Variants in HCN1 observed in about 807,000 individuals in gnomAD.
The protein encoded by HCN1 is potassium/sodium hyperpolarization-activated cyclic nucleotide-gated channel 1.
A neutral mutation model predicts 78.9 loss-of-function variants in HCN1; 13 were observed. The observed-to-expected ratio is 0.16, with a 90% confidence interval of 0.11 to 0.26. HCN1 has a LOEUF of 0.26. HCN1 is among the 10% of genes least tolerant of loss of function. The probability of loss-of-function intolerance (pLI) is 1.00; values close to 1 mark genes in which losing one functional copy is unlikely to be tolerated. For synonymous variants in HCN1, 552 were observed against 455.5 expected, an observed-to-expected ratio of 1.21 and a Z score of -2.70; for missense variants, 810 against 1,154.3, an observed-to-expected ratio of 0.70 and a Z score of 4.32.
At position 45,303,618 on chromosome 5, in the gene HCN1, T is replaced by G. The variant is rs762489247; in HGVS notation, c.1599A>C (p.Thr533=). ...ACTAACCTCCAAAGTAAGAGCCATC[T>G]GTCAGCTTCATTTCTTTACTGGATT... The part of the protein sequence containing the change: ...ITKSSKEMKL[T]DGSYFGEICL... Residue 533 remains threonine, a synonymous_variant, in exon 6 of 8, where the codon ACA becomes ACC. Coordinates refer to ENST00000303230, the MANE Select transcript of HCN1 (RefSeq NM_021072.4). 12 of 1,613,440 alleles carry G rather than the reference T, an allele frequency of 7.4e-6. No individual in the cohort carries two copies. The South Asian group carries it at 1.3e-4, about 18-fold the overall frequency.
chr5:45,406,950 C>CAA (rs1739938274), intron 3 of HCN1, among the ~76,000 whole-genome samples: 1 of 152,114 alleles, frequency 6.6e-6, no homozygotes, highest in Non-Finnish European at 1.5e-5. Flanking sequence ...CACCTAACCC[C>CAA]AAAGCCTGGG....
chr5:45,361,706 T>C (rs1287492041), intron 4 of HCN1, among the ~76,000 whole-genome samples: 1 of 152,228 alleles, frequency 6.6e-6, no homozygotes, highest in Non-Finnish European at 1.5e-5. Context: ...AACTATACTT[T>C]CATCTATGTA....
At chr5:45,606,500 A>C (rs545726789) in intron 2 of HCN1, among the ~76,000 whole-genome samples, 1 of 151,874 alleles carries the variant, frequency 6.6e-6, no homozygotes, top group Non-Finnish European at 1.5e-5. Flanking sequence ...CTTAGTGAAA[A>C]AGCTGGAGTT....
At chr5:45,296,551 A>G (rs1745498325) in intron 6 of HCN1, among the ~76,000 whole-genome samples, 1 of 151,960 alleles carries the variant, frequency 6.6e-6, no homozygotes, top group Non-Finnish European at 1.5e-5. Flanking sequence ...CTAAGCTTCC[A>G]TCTTAGCAAA....
At chr5:45,378,088 C>T (rs1032713517) in intron 4 of HCN1, among the ~76,000 whole-genome samples, 3 of 151,722 alleles carry the variant, frequency 2.0e-5, no homozygotes, top group African/African-American at 7.3e-5. Flanking sequence ...CTGGAGGGCA[C>T]CACAGAGATA....
chr5:45,634,545 A>G (rs1158484430), intron 2 of HCN1, among the ~76,000 whole-genome samples: 1 of 151,962 alleles, frequency 6.6e-6, no homozygotes, highest in Non-Finnish European at 1.5e-5. Flanking sequence ...ATATTATTCT[A>G]AAGTCAGTGT....
At chr5:45,516,953 A>G (rs1433084428) in intron 2 of HCN1, among the ~76,000 whole-genome samples, 2 of 151,980 alleles carry the variant, frequency 1.3e-5, no homozygotes, top group Admixed American at 1.3e-4. Context: ...GTTTCTCAGG[A>G]TAATATTCAG....
intron 3 of HCN1, among the ~76,000 whole-genome samples, chr5:45,418,215 G>C (rs897870638): frequency 3.3e-5 from 5 of 151,794 alleles, no homozygotes; most frequent in Non-Finnish European, 2.9e-5. Context: ...AAAAGAAAAA[G>C]TGTTTATAAT....
intron 1 of HCN1, among the ~76,000 whole-genome samples, chr5:45,684,596 C>T (rs1739766986): frequency 6.6e-6 from 1 of 152,176 alleles, no homozygotes; most frequent in Non-Finnish European, 1.5e-5. Flanking sequence ...CACGGTGGCT[C>T]ACGCCTGTAA....
intron 3 of HCN1, among the ~76,000 whole-genome samples, chr5:45,402,589 T>A (rs1739837966): frequency 6.6e-6 from 1 of 152,098 alleles, no homozygotes; most frequent in African/African-American, 2.4e-5. Flanking sequence ...TCAGTATAAA[T>A]GTTATTACAA....
intron 1 of HCN1, among the ~76,000 whole-genome samples, chr5:45,663,401 G>A (rs1490978041): frequency 1.5e-4 from 19 of 130,202 alleles, no homozygotes; most frequent in African/African-American, 5.3e-4. Flanking sequence ...GCGTGGGCAA[G>A]GACTTCATGT....
At chr5:45,463,839 T>A (rs1398414882) in intron 2 of HCN1, among the ~76,000 whole-genome samples, 1 of 152,110 alleles carries the variant, frequency 6.6e-6, no homozygotes, top group African/African-American at 2.4e-5. Flanking sequence ...GTCTTGTGGA[T>A]AAAGACTGCG....
rs565166981 is a variant in HCN1, at chr5:45,351,204, C to A, written c.1377+1896G>T. On this transcript the variant is annotated intron_variant, in intron 5 of 7. Transcript: ENST00000303230. ...TATAGATCAATGGAACAGAACAGAG[C>A]CTTCAGAAATAATGCCGCATATCTA... Among the ~76,000 whole-genome samples the A allele has an allele frequency of 1.7e-4, 26 of 151,918 alleles. 1 individual carries two copies. The highest frequency in any genetic ancestry group is 6.0e-4 in the African/African-American group (25 of 41,342).
At chr5:45,423,177 T>C (rs1200639189) in intron 3 of HCN1, among the ~76,000 whole-genome samples, 2 of 152,200 alleles carry the variant, frequency 1.3e-5, no homozygotes, top group African/African-American at 4.8e-5. Context: ...GCACCTACTA[T>C]GTACCCATAA....
At chr5:45,547,340 T>G (rs1338502790) in intron 2 of HCN1, among the ~76,000 whole-genome samples, 1 of 151,934 alleles carries the variant, frequency 6.6e-6, no homozygotes, top group African/African-American at 2.4e-5. Flanking sequence ...TGAAGGTGAA[T>G]TTCTGATTTT....
intron 2 of HCN1, among the ~76,000 whole-genome samples, chr5:45,494,438 G>C (rs931082996): frequency 2.0e-5 from 3 of 151,926 alleles, no homozygotes; most frequent in East Asian, 1.9e-4. Flanking sequence ...CCCACTTTTT[G>C]ATGGGGTTGT....
At chr5:45,444,586 T>A (rs900238501) in intron 3 of HCN1, among the ~76,000 whole-genome samples, 3 of 152,130 alleles carry the variant, frequency 2.0e-5, no homozygotes, top group African/African-American at 7.2e-5. Context: ...ATCCTTGTTT[T>A]TTTCTGAATC....
intron 2 of HCN1, among the ~76,000 whole-genome samples, chr5:45,516,363 A>C (rs1266395925): frequency 6.6e-6 from 1 of 151,996 alleles, no homozygotes; most frequent in Admixed American, 6.6e-5. Flanking sequence ...CCCCAGAAGA[A>C]CAGTTTATAT....
In HCN1 at chr5:45,257,055, C is replaced by T. The variant is rs1011415467; in HGVS notation, c.*4866G>A. 19 of 152,202 alleles carry T rather than the reference C, an allele frequency of 1.2e-4. No individual in the cohort carries two copies. The highest frequency in any genetic ancestry group is 4.6e-4 in the African/African-American group (19 of 41,456). 9.4% of individuals were successfully genotyped at this position (152,202 alleles called of 1,614,324 possible). On this transcript the variant is annotated 3_prime_UTR_variant, in exon 8 of 8. Coordinates refer to ENST00000303230, the MANE Select transcript of HCN1 (RefSeq NM_021072.4). ...AGCAAACCTAGGACCTTCCTTAGGA[C>T]CCAGCATCCTCACAAGGCAGGGTGG...
Sources: allele counts gnomAD v4.1 joint callset (sites outside exome capture counted in the v4.1 genomes callset), GRCh38; gene constraint gnomAD v4.1.1; transcripts MANE v1.5; gene names NCBI Gene and HGNC (gene_info 2026-07-23, HGNC 2026-07-21).